Variants in RBFOX1 observed in about 807,000 individuals in gnomAD.
RBFOX1 encodes the protein RNA binding protein fox-1 homolog 1.
A neutral mutation model predicts 57.7 loss-of-function variants in RBFOX1; 8 were observed. That is an observed-to-expected ratio of 0.14 (90% CI 0.08 to 0.25). The LOEUF (loss-of-function observed/expected upper bound fraction) is 0.25, where lower values mean the gene tolerates loss of function less well. RBFOX1 is among the 10% of genes least tolerant of loss of function. The pLI is 1.00. For missense variants in RBFOX1, 611 were observed against 548.5 expected (o/e 1.11, Z -1.14); for synonymous variants, 326 against 222.4 (o/e 1.47, Z -4.15).
chr16:6,807,958 A>G (rs924378798), intron 3 of RBFOX1, among the ~76,000 whole-genome samples: 7 of 149,682 alleles, frequency 4.7e-5, no homozygotes, highest in Non-Finnish European at 8.9e-5. Flanking sequence ...TATATGCATT[A>G]TATATAATAT....
rs997926019 is a variant in RBFOX1 at position 6,787,999 on chromosome 16, G to A, written c.-16+133349G>A. On this transcript the variant is annotated intron_variant, in intron 3 of 15. Transcript: ENST00000550418. Reference sequence around the variant, plus strand: ...GCACTTTGGGAGTCCGAGGTGGGGGGACCGCTTGAGGTCAGGAGTTCGAGA... The same window carrying A: ...GCACTTTGGGAGTCCGAGGTGGGGGAACCGCTTGAGGTCAGGAGTTCGAGA... 6.6e-5 allele frequency among the ~76,000 whole-genome samples: 10 copies of A among 152,092 alleles called. No individual in the cohort carries two copies. In the South Asian group the frequency reaches 2.1e-3, roughly 32 times the overall value.
chr16:6,005,723 G>C (rs2060681716), intron 4 of RBFOX1, among the ~76,000 whole-genome samples: 1 of 152,198 alleles, frequency 6.6e-6, no homozygotes, highest in South Asian at 2.1e-4. Flanking sequence ...TGTTGAGAAA[G>C]TCTGTTCAGT....
At chr16:7,139,779 C>T (rs780702402) in intron 4 of RBFOX1, among the ~76,000 whole-genome samples, 3 of 151,740 alleles carry the variant, frequency 2.0e-5, no homozygotes, top group African/African-American at 4.8e-5. Context: ...TTAAGTTCAT[C>T]GGTGAGCTTT....
chr16:7,564,194 A>C (rs9927743), intron 5 of RBFOX1, among the ~76,000 whole-genome samples: 4 of 152,004 alleles, frequency 2.6e-5, no homozygotes, highest in African/African-American at 4.8e-5. Context: ...GTATCCATAC[A>C]GGAGGCAGAG....
chr16:7,523,381 G>A (rs1008928209), intron 5 of RBFOX1, among the ~76,000 whole-genome samples: 18 of 152,228 alleles, frequency 1.2e-4, no homozygotes, highest in African/African-American at 4.3e-4. Flanking sequence ...AAGAGATAAT[G>A]TGAGGAGTTC....
intron 3 of RBFOX1, among the ~76,000 whole-genome samples, chr16:5,680,488 G>T (rs1266116779): frequency 1.3e-5 from 2 of 152,184 alleles, no homozygotes; most frequent in African/African-American, 4.8e-5. Context: ...GAGACTCCCA[G>T]TGAGTCAAGC....
At chr16:7,510,455 T>C (rs181133219) in intron 4 of RBFOX1, 19 of 659,194 alleles carry the variant, frequency 2.9e-5, no homozygotes, top group Admixed American at 1.3e-4. Context: ...GAGAGGAGTT[T>C]TGGTGAAGAG....
intron 3 of RBFOX1, among the ~76,000 whole-genome samples, chr16:6,686,890 C>G (rs546534714): frequency 6.6e-5 from 10 of 152,126 alleles, no homozygotes; most frequent in Non-Finnish European, 1.5e-4. Context: ...GATAATCTTC[C>G]AAGAAATGCT....
chr16:7,647,743 C>G (rs960079033), intron 11 of RBFOX1, among the ~76,000 whole-genome samples: 1 of 152,132 alleles, frequency 6.6e-6, no homozygotes, highest in Non-Finnish European at 1.5e-5. Flanking sequence ...TGAGTTTCCA[C>G]TGGGCATTTT....
In RBFOX1 at chr16:7,177,981, G is replaced by T. The variant is rs369514464; in HGVS notation, c.27+125883G>T. Among the ~76,000 whole-genome samples the T allele has an allele frequency of 1.2e-4, 18 of 152,240 alleles. No homozygotes were observed. The South Asian group carries it at 2.9e-3, about 25-fold the overall frequency. ...GCAGACACAACATGCTCACGCTCTG[G>T]TTCCTTTCTTCTGACCTATTGATTC... is the stretch of plus-strand genomic sequence containing the variant. On this transcript the variant is annotated intron_variant, in intron 4 of 15. Coordinates refer to ENST00000550418, the MANE Select transcript of RBFOX1 (RefSeq NM_018723.4).
intron 14 of RBFOX1, among the ~76,000 whole-genome samples, chr16:7,691,426 C>G (rs777723738): frequency 3.1e-5 from 4 of 130,264 alleles, no homozygotes; most frequent in African/African-American, 1.1e-4. Flanking sequence ...AGAGAAAGAA[C>G]GGAAAGAAAA....
chr16:6,162,814 G>T (rs959243582), intron 1 of RBFOX1, among the ~76,000 whole-genome samples: 6 of 152,010 alleles, frequency 3.9e-5, no homozygotes, highest in African/African-American at 1.4e-4. Context: ...GCTCACTGCA[G>T]CCTCCACCTC....
At chr16:7,318,981 G>C (rs1236154100) in intron 4 of RBFOX1, among the ~76,000 whole-genome samples, 1 of 152,190 alleles carries the variant, frequency 6.6e-6, no homozygotes, top group African/African-American at 2.4e-5. Context: ...GGGAGTATGG[G>C]AACATATGGG....
intron 3 of RBFOX1, among the ~76,000 whole-genome samples, chr16:6,975,595 G>A (rs944696953): frequency 1.3e-5 from 2 of 152,126 alleles, no homozygotes; most frequent in Non-Finnish European, 2.9e-5. Flanking sequence ...ATAGCACCTG[G>A]GAGAAAATTG....
chr16:6,354,199 G>T (rs759521011), intron 2 of RBFOX1, among the ~76,000 whole-genome samples: 1 of 152,016 alleles, frequency 6.6e-6, no homozygotes, highest in Non-Finnish European at 1.5e-5. Flanking sequence ...CAGCCTGGGT[G>T]ACAGAGCGAG....
At chr16:7,665,079 T>G in intron 13 of RBFOX1, 111 bp downstream of exon 13, 2 of 1,599,514 alleles carry the variant, frequency 1.3e-6, no homozygotes, top group Admixed American at 1.7e-5. Flanking sequence ...CTCCTTGGTC[T>G]GTAGGAAATA....
intron 3 of RBFOX1, among the ~76,000 whole-genome samples, chr16:7,042,411 C>A (rs987349403): frequency 6.6e-6 from 1 of 152,122 alleles, no homozygotes; most frequent in African/African-American, 2.4e-5. Context: ...TTGAATATTT[C>A]CTATCTTTAC....
intron 11 of RBFOX1, among the ~76,000 whole-genome samples, chr16:7,641,700 C>A (rs2062827239): frequency 6.6e-6 from 1 of 152,134 alleles, no homozygotes; most frequent in Non-Finnish European, 1.5e-5. Context: ...GGTTTTACAG[C>A]ATTTTTCTTG....
intron 4 of RBFOX1, among the ~76,000 whole-genome samples, chr16:7,100,509 C>T (rs898611013): frequency 2.0e-5 from 3 of 150,502 alleles, no homozygotes; most frequent in Non-Finnish European, 4.4e-5. Context: ...CAAATTATCT[C>T]ATAAACATTT....
Sources: allele counts gnomAD v4.1 joint callset (sites outside exome capture counted in the v4.1 genomes callset), GRCh38; gene constraint gnomAD v4.1.1; transcripts MANE v1.5; gene names NCBI Gene and HGNC (gene_info 2026-07-23, HGNC 2026-07-21).